Variants in LOXHD1 observed in about 807,000 individuals in gnomAD.
LOXHD1 encodes lipoxygenase homology domain-containing protein 1.
In LOXHD1, 205 loss-of-function variants were observed where a neutral mutation model predicts 248.2. That is an observed-to-expected ratio of 0.83 (90% CI 0.74 to 0.93). The LOEUF is 0.93. Among genes scored for constraint, LOXHD1 ranks in the 40% least tolerant of loss-of-function variants. The pLI, the probability that LOXHD1 is intolerant of heterozygous loss-of-function variation, is 0.00. For missense variants in LOXHD1, 2,930 were observed against 2,971.6 expected, an observed-to-expected ratio of 0.99 and a Z score of 0.33; for synonymous variants, 1,113 against 1,162.8, an observed-to-expected ratio of 0.96 and a Z score of 0.87.
In LOXHD1 at chr18:46,524,582, C is replaced by G. The variant is rs1318916998; in HGVS notation, c.4760G>C (p.Ser1587Thr). ...FYEKEYTGDR[S>T]SNCSSPADFW... ...GTCAGCAGGGCTGCTGCAGTTGCTGCTGCGGTCCCCAGTGTACTCCTGTGT... is the reference window on the plus strand; with the variant it reads ...GTCAGCAGGGCTGCTGCAGTTGCTGGTGCGGTCCCCAGTGTACTCCTGTGT... Residue 1587 changes from serine (S) to threonine (T), a missense_variant, in exon 31 of 41, where the codon AGC becomes ACC. By Grantham distance (58) the Ser-to-Thr change is moderately conservative. Coordinates refer to ENST00000642948, the MANE Select transcript of LOXHD1 (RefSeq NM_001384474.1). 1 of 1,551,722 alleles carries G rather than the reference C, an allele frequency of 6.4e-7. No homozygotes were observed. The highest frequency in any genetic ancestry group is 1.7e-4 in the Middle Eastern group (1 of 5,992).
Position 46,643,583 on chromosome 18 carries a change from C to T in LOXHD1, c.246-1547G>A, listed in dbSNP as rs148523179. 1.0e-3 allele frequency among the ~76,000 whole-genome samples: 155 copies of T among 152,304 alleles called. 1 individual carries two copies. Among genetic ancestry groups the T allele is most frequent in the African/African-American group, 3.6e-3 (150 of 41,562 alleles). Reference sequence around the variant, plus strand: ...TCACTTTCAAAGGAGAATAACAACACACCCCATGCTTTCGTTCAGAGTCAC... The same window carrying T: ...TCACTTTCAAAGGAGAATAACAACATACCCCATGCTTTCGTTCAGAGTCAC... On this transcript the variant is annotated intron_variant, in intron 2 of 40. Transcript: ENST00000642948.
At chr18:46,551,873 A>G (rs2037119755) in intron 21 of LOXHD1, among the ~76,000 whole-genome samples, 1 of 152,220 alleles carries the variant, frequency 6.6e-6, no homozygotes, top group Non-Finnish European at 1.5e-5. Flanking sequence ...TTCAGCCTTA[A>G]AAAGGAAGGA....
intron 6 of LOXHD1, among the ~76,000 whole-genome samples, chr18:46,609,772 G>A (rs77892284): frequency 0.024 from 3,596 of 152,038 alleles, 134 homozygotes; most frequent in East Asian, 0.073. Flanking sequence ...CTAATTTTCC[G>A]CTAGAGGTTT....
At chr18:46,604,294 A>T (rs1284839165) in intron 6 of LOXHD1, 65 bp from the exon 7 acceptor site, 9 of 1,537,858 alleles carry the variant, frequency 5.9e-6, no homozygotes, top group Non-Finnish European at 7.9e-6. Context: ...TGGAGATCTA[A>T]TCCAATCTTC....
chr18:46,639,929 C>T (rs1371686589), intron 3 of LOXHD1, 129 bp from the exon 4 acceptor site: 4 of 1,167,230 alleles, frequency 3.4e-6, no homozygotes, highest in Non-Finnish European at 3.6e-6. Flanking sequence ...ACTTTATCTC[C>T]TGAACCTCGG....
At chr18:46,573,674 C>T (rs1429348448) in intron 14 of LOXHD1, among the ~76,000 whole-genome samples, 1 of 151,992 alleles carries the variant, frequency 6.6e-6, no homozygotes, top group African/African-American at 2.4e-5. Flanking sequence ...GCTAATAGAC[C>T]ACCCCTCTCC....
chr18:46,567,644 A>C (rs1351172319), intron 16 of LOXHD1, among the ~76,000 whole-genome samples: 1 of 152,242 alleles, frequency 6.6e-6, no homozygotes, highest in Non-Finnish European at 1.5e-5. Flanking sequence ...TTCACACCTG[A>C]CATAGACTAA....
chr18:46,567,208 T>A (rs944524252), intron 16 of LOXHD1, among the ~76,000 whole-genome samples: 3 of 152,226 alleles, frequency 2.0e-5, no homozygotes, highest in African/African-American at 7.2e-5. Flanking sequence ...TAACATCAGA[T>A]GGAATTATCA....
At chr18:46,642,422 C>T (rs1384206128) in intron 2 of LOXHD1, among the ~76,000 whole-genome samples, 1 of 151,848 alleles carries the variant, frequency 6.6e-6, no homozygotes, top group African/African-American at 2.4e-5. Context: ...AAGGAATAAA[C>T]ACCTTAGGAC....
chr18:46,518,516 G>A lies in LOXHD1; in HGVS notation c.5272-260C>T, dbSNP rs551564934. Among the ~76,000 whole-genome samples the A allele has an allele frequency of 3.9e-5, 6 of 152,328 alleles. No homozygotes were observed. In the South Asian group the frequency reaches 1.0e-3, roughly 26 times the overall value. ...ATAGAAACATGATGGAAAGCCTGGC[G>A]TTAACTGACGCTGTCAGTTGAATTC... On this transcript the variant is annotated intron_variant, in intron 33 of 40. Transcript: ENST00000642948.
At chr18:46,627,190 G>A (rs189143376) in intron 4 of LOXHD1, among the ~76,000 whole-genome samples, 1 of 152,176 alleles carries the variant, frequency 6.6e-6, no homozygotes. Flanking sequence ...CCTCAAGCTG[G>A]CTTTGTCACA....
chr18:46,528,733 AAG>A (rs1310436475), intron 29 of LOXHD1, among the ~76,000 whole-genome samples: 1 of 152,154 alleles, frequency 6.6e-6, no homozygotes, highest in African/African-American at 2.4e-5. Flanking sequence ...GAGGCCAGAG[AAG>A]TTGAAGCAGA....
At chr18:46,482,080 C>T (rs2032625001) in intron 40 of LOXHD1, among the ~76,000 whole-genome samples, 1 of 152,164 alleles carries the variant, frequency 6.6e-6, no homozygotes, top group Non-Finnish European at 1.5e-5. Flanking sequence ...GGATAGTCTC[C>T]CAGCTGTCAA....
chr18:46,641,880 C>A, intron 3 of LOXHD1, 76 bp downstream of exon 3: 2 of 1,398,990 alleles, frequency 1.4e-6, no homozygotes, highest in Non-Finnish European at 2.0e-6. Flanking sequence ...AATTCATACC[C>A]AGAAATTGTC....
In LOXHD1 at chr18:46,533,300, A is replaced by G. The variant is rs2036158260; in HGVS notation, c.4237T>C (p.Cys1413Arg). Residue 1413 changes from cysteine to arginine, a missense_variant, in exon 28 of 41, where the codon TGC (cysteine) becomes CGC (arginine). Transcript: ENST00000642948. ...TCAGAGGTGGCAAGCCACCGATCGC[A>G]TGGGAAAGTCAAGGTCTCTGCACCC... Reference protein sequence around the residue: ...KDGAETLTFPCDRWLATSEDD... With the variant: ...KDGAETLTFPRDRWLATSEDD... 21 of 1,551,854 alleles carry G rather than the reference A, an allele frequency of 1.4e-5. No homozygotes were observed. Among genetic ancestry groups the G allele is most frequent in the Non-Finnish European group, 1.8e-5 (21 of 1,147,014 alleles).
chr18:46,498,200 G>T (rs191666726), intron 37 of LOXHD1, among the ~76,000 whole-genome samples: 1 of 152,332 alleles, frequency 6.6e-6, no homozygotes, highest in Non-Finnish European at 1.5e-5. Context: ...GGGCCACCCA[G>T]CCTTGCTATG....
At chr18:46,579,252 G>A (rs558286377) in intron 13 of LOXHD1, among the ~76,000 whole-genome samples, 1 of 152,310 alleles carries the variant, frequency 6.6e-6, no homozygotes, top group African/African-American at 2.4e-5. Flanking sequence ...AGGTAAGAAA[G>A]ATGCTGCTGC....
At chr18:46,480,721 T>C (rs2032489683) in intron 40 of LOXHD1, among the ~76,000 whole-genome samples, 1 of 152,182 alleles carries the variant, frequency 6.6e-6, no homozygotes, top group South Asian at 2.1e-4. Context: ...TTCAAAACTA[T>C]GTATAAGCAC....
At chr18:46,551,808 G>A (rs1045699798) in intron 21 of LOXHD1, among the ~76,000 whole-genome samples, 19 of 152,148 alleles carry the variant, frequency 1.2e-4, no homozygotes, top group Admixed American at 1.1e-3. Context: ...CAGATCCCGG[G>A]ACACCCCATT....
Sources: gnomAD v4.1 joint callset for allele counts (sites outside exome capture counted in the v4.1 genomes callset) on GRCh38, gnomAD v4.1.1 for gene constraint, MANE v1.5 for transcripts, NCBI Gene and HGNC (gene_info 2026-07-23, HGNC 2026-07-21) for gene names.